Variants in SLC24A2 observed in about 807,000 individuals in gnomAD.
SLC24A2 encodes the protein solute carrier family 24 member 2.
In SLC24A2, 36 loss-of-function variants were observed where a neutral mutation model predicts 62.0. The observed-to-expected ratio is 0.58, with a 90% CI of 0.44 to 0.77. The LOEUF (loss-of-function observed/expected upper bound fraction) is 0.77. Among genes scored for constraint, SLC24A2 ranks in the 30% least tolerant of loss-of-function variants. The pLI, the probability that SLC24A2 is intolerant of heterozygous loss-of-function variation, is 0.00. For synonymous variants in SLC24A2, 358 were observed against 294.0 expected, an observed-to-expected ratio of 1.22 and a Z score of -2.23; for missense variants, 846 against 817.9, an observed-to-expected ratio of 1.03 and a Z score of -0.42.
the SLC24A2 span, among the ~76,000 whole-genome samples, chr9:20,236,178 A>G: frequency 6.6e-6 from 1 of 152,338 alleles, no homozygotes; most frequent in African/African-American, 2.4e-5. Flanking sequence ...TCTCTGTGCT[A>G]AAGAAATCAT....
chr9:20,022,894 T>C, the SLC24A2 span, among the ~76,000 whole-genome samples: 1 of 152,234 alleles, frequency 6.6e-6, no homozygotes, highest in Admixed American at 6.5e-5. Flanking sequence ...CATTATTCTA[T>C]GCATGTTCAC....
the SLC24A2 span, among the ~76,000 whole-genome samples, chr9:20,068,051 T>C: frequency 6.6e-6 from 1 of 150,664 alleles, no homozygotes; most frequent in Non-Finnish European, 1.5e-5. Context: ...CTGTTATTTT[T>C]TGACTCTTTT....
the SLC24A2 span, among the ~76,000 whole-genome samples, chr9:19,853,462 A>G: frequency 1.3e-5 from 2 of 152,066 alleles, no homozygotes; most frequent in African/African-American, 4.8e-5. Context: ...AATGGCTTTT[A>G]TTATTTTGAG....
At chr9:19,669,311 G>T (rs533652777) in intron 2 of SLC24A2, among the ~76,000 whole-genome samples, 1 of 152,052 alleles carries the variant, frequency 6.6e-6, no homozygotes, top group African/African-American at 2.4e-5. Context: ...AGTGGTGGTG[G>T]GTTATGGGGA....
the SLC24A2 span, among the ~76,000 whole-genome samples, chr9:19,893,987 C>G: frequency 6.6e-6 from 1 of 152,202 alleles, no homozygotes; most frequent in Non-Finnish European, 1.5e-5. Context: ...GTGACAAACA[C>G]TACTTCTACT....
At chr9:19,778,658 G>C (rs2118918433) in intron 2 of SLC24A2, among the ~76,000 whole-genome samples, 1 of 152,250 alleles carries the variant, frequency 6.6e-6, no homozygotes, top group East Asian at 1.9e-4. Context: ...ATGTAGCTTA[G>C]AATGGCCCCA....
At chr9:19,827,724 T>A in the SLC24A2 span, among the ~76,000 whole-genome samples, 2 of 152,140 alleles carry the variant, frequency 1.3e-5, no homozygotes, top group Non-Finnish European at 2.9e-5. Flanking sequence ...GGGAATAAGA[T>A]GATATTTTCT....
the SLC24A2 span, among the ~76,000 whole-genome samples, chr9:19,811,881 G>A: frequency 1.3e-5 from 2 of 151,706 alleles, no homozygotes; most frequent in Non-Finnish European, 2.9e-5. Context: ...TTTACTGCCT[G>A]CATTTCTGTG....
the SLC24A2 span, among the ~76,000 whole-genome samples, chr9:20,126,133 G>A: frequency 1.3e-5 from 2 of 152,198 alleles, no homozygotes; most frequent in African/African-American, 2.4e-5. Context: ...AGAGATGATC[G>A]GTGGAGTTTT....
the SLC24A2 span, among the ~76,000 whole-genome samples, chr9:20,290,853 T>C: frequency 6.6e-6 from 1 of 152,216 alleles, no homozygotes; most frequent in Non-Finnish European, 1.5e-5. Context: ...CATTGCAACC[T>C]TGTGCCCAGG....
At chr9:20,086,816 A>C in the SLC24A2 span, among the ~76,000 whole-genome samples, 2 of 152,222 alleles carry the variant, frequency 1.3e-5, no homozygotes, top group Non-Finnish European at 2.9e-5. Flanking sequence ...ACCTTCTCCC[A>C]GAGCATCTGG....
At chr9:20,228,330 G>A in the SLC24A2 span, among the ~76,000 whole-genome samples, 4 of 151,978 alleles carry the variant, frequency 2.6e-5, no homozygotes, top group Non-Finnish European at 5.9e-5. Context: ...CTCTGTTCCA[G>A]CTCTCACTCA....
chr9:19,781,856 A>G (rs538766579), intron 2 of SLC24A2, among the ~76,000 whole-genome samples: 1 of 152,232 alleles, frequency 6.6e-6, no homozygotes, highest in Non-Finnish European at 1.5e-5. Context: ...GTATACTTAT[A>G]CAATTATTTA....
At chr9:20,119,472 T>C in the SLC24A2 span, among the ~76,000 whole-genome samples, 3 of 152,294 alleles carry the variant, frequency 2.0e-5, no homozygotes, top group East Asian at 3.9e-4. Flanking sequence ...ATCCATCAGT[T>C]GTTTTCCACA....
chr9:19,784,088 T>C (rs773720906), intron 2 of SLC24A2, among the ~76,000 whole-genome samples: 95 of 152,336 alleles, frequency 6.2e-4, no homozygotes, highest in Non-Finnish European at 1.1e-3. Context: ...GATGACAACC[T>C]GAATTTCTGA....
chr9:20,081,281 T>C, the SLC24A2 span, among the ~76,000 whole-genome samples: 1 of 151,932 alleles, frequency 6.6e-6, no homozygotes, highest in Admixed American at 6.6e-5. Flanking sequence ...ATATACACGA[T>C]GGAATACTAT....
At chr9:20,094,481 C>T in the SLC24A2 span, among the ~76,000 whole-genome samples, 1 of 152,122 alleles carries the variant, frequency 6.6e-6, no homozygotes, top group African/African-American at 2.4e-5. Context: ...AACTATTAAC[C>T]ACCATGGTGA....
intron 4 of SLC24A2, among the ~76,000 whole-genome samples, chr9:19,616,936 C>T (rs1054836474): frequency 2.0e-5 from 3 of 152,034 alleles, no homozygotes; most frequent in South Asian, 2.1e-4. Flanking sequence ...GTGGAGAGAA[C>T]AGCCTATGGA....
intron 4 of SLC24A2, among the ~76,000 whole-genome samples, chr9:19,600,815 T>C (rs1015982512): frequency 6.6e-6 from 1 of 152,186 alleles, no homozygotes; most frequent in African/African-American, 2.4e-5. Flanking sequence ...GCTTTTCTGC[T>C]GCTGTCCTTT....
Sources: gnomAD v4.1 joint callset for allele counts (sites outside exome capture counted in the v4.1 genomes callset) on GRCh38, gnomAD v4.1.1 for gene constraint, MANE v1.5 for transcripts, NCBI Gene and HGNC (gene_info 2026-07-23, HGNC 2026-07-21) for gene names.